Variants in XPA observed in about 807,000 individuals in gnomAD.
XPA encodes the protein DNA repair protein complementing XP-A cells.
In XPA, 27 loss-of-function variants were observed where a neutral mutation model predicts 35.7. That is an observed-to-expected ratio of 0.76 (90% CI 0.56 to 1.04). The LOEUF is 1.04. XPA is among the 50% of genes least tolerant of loss of function. The probability of loss-of-function intolerance (pLI) is 0.00; values close to 1 mark genes in which losing one functional copy is unlikely to be tolerated. For missense variants in XPA, 354 were observed against 342.7 expected (o/e 1.03, Z -0.26); for synonymous variants, 133 against 118.4 (o/e 1.12, Z -0.80).
At chr9:97,663,114 T>C in the XPA span, 2 of 1,213,874 alleles carry the variant, frequency 1.6e-6, no homozygotes, top group Non-Finnish European at 2.4e-6. Flanking sequence ...GGCCGTTAAT[T>C]GCCATTGTTT....
intron 1 of XPA, among the ~76,000 whole-genome samples, chr9:97,696,135 T>TA (rs1427235049): frequency 6.6e-6 from 1 of 152,212 alleles, no homozygotes; most frequent in Non-Finnish European, 1.5e-5. Flanking sequence ...TCGGTGTTAG[T>TA]ATGAACATCA....
chr9:97,675,796 G>A (rs1828347281), intron 5 of XPA: 1 of 619,874 alleles, frequency 1.6e-6, no homozygotes, highest in Non-Finnish European at 2.8e-6. Flanking sequence ...TGTGAATCAA[G>A]TTGTCACTGG....
chr9:97,693,821 C>A, intron 1 of XPA, 62 bp from the exon 2 acceptor site: 1 of 1,479,444 alleles, frequency 6.8e-7, no homozygotes, highest in South Asian at 1.1e-5. Flanking sequence ...TTACCTTGTT[C>A]ATAAATAGAA....
the XPA span, chr9:97,664,502 CTT>C: frequency 3.5e-6 from 4 of 1,131,584 alleles, no homozygotes; most frequent in Middle Eastern, 2.6e-4. Context: ...TGTGTGGTCT[CTT>C]ATACATAAGC....
At chr9:97,685,739 G>A (rs745546431) in intron 4 of XPA, among the ~76,000 whole-genome samples, 2 of 152,044 alleles carry the variant, frequency 1.3e-5, no homozygotes, top group Non-Finnish European at 2.9e-5. Flanking sequence ...CTCATATTTC[G>A]TATATTCTGA....
intron 5 of XPA, among the ~76,000 whole-genome samples, chr9:97,677,475 C>T (rs1828401170): frequency 6.6e-6 from 1 of 152,014 alleles, no homozygotes; most frequent in South Asian, 2.1e-4. Flanking sequence ...GAGTTCAAGA[C>T]CAGCCTGGGC....
chr9:97,657,886 C>CTCTA, the XPA span, among the ~76,000 whole-genome samples: 2 of 45,330 alleles, frequency 4.4e-5, no homozygotes, highest in Non-Finnish European at 8.3e-5. Flanking sequence ...CCCCGGTAAG[C>CTCTA]TCTCTCTCTC....
At chr9:97,667,945 C>T in the XPA span, among the ~76,000 whole-genome samples, 7 of 152,136 alleles carry the variant, frequency 4.6e-5, no homozygotes, top group South Asian at 1.0e-3. Flanking sequence ...CGTGTACCCA[C>T]GTGTCTAGAA....
rs767096139 is a variant in XPA at position 97,684,990 on chromosome 9, T to C, written c.606A>G (p.Glu202=). The change falls in exon 5 of 6, where the codon GAA becomes GAG. Residue 202 remains glutamate, a synonymous_variant. Coordinates refer to ENST00000375128, the MANE Select transcript of XPA (RefSeq NM_000380.4). ...GGTTTTCCTGTCGGACTTCCTTTGC[T>C]TCTTCTAATGCTTCTTGACTACCCC... ...EVWGSQEALE[E]AKEVRQENRE... is the part of the protein sequence containing the mutation. The C allele has an allele frequency of 1.9e-6, 3 of 1,613,768 alleles. No homozygotes were observed. Among genetic ancestry groups the C allele is most frequent in the South Asian group, 2.2e-5 (2 of 91,070 alleles).
chr9:97,687,632 G>T (rs760770590), intron 3 of XPA, among the ~76,000 whole-genome samples: 1 of 152,158 alleles, frequency 6.6e-6, no homozygotes, highest in Non-Finnish European at 1.5e-5. Context: ...TCAGGACCTT[G>T]CAAGCAATGG....
intron 5 of XPA, among the ~76,000 whole-genome samples, chr9:97,680,787 T>C (rs572049389): frequency 2.6e-4 from 39 of 152,294 alleles, no homozygotes; most frequent in Non-Finnish European, 5.0e-4. Flanking sequence ...GGTAAGGCTT[T>C]AGAAGAGTGA....
At chr9:97,670,118 T>G (rs1828141677), downstream of XPA, 1 of 312,278 alleles carries the variant, frequency 3.2e-6, no homozygotes, top group South Asian at 2.9e-5. Context: ...GGACAGAGTT[T>G]CACCATGTTG....
chr9:97,684,101 C>T (rs1163096862), intron 5 of XPA, among the ~76,000 whole-genome samples: 2 of 152,156 alleles, frequency 1.3e-5, no homozygotes, highest in Non-Finnish European at 2.9e-5. Context: ...CCTCTGTGCT[C>T]CTGCAGCACC....
At chr9:97,681,955 T>C (rs541481113) in intron 5 of XPA, among the ~76,000 whole-genome samples, 4 of 152,304 alleles carry the variant, frequency 2.6e-5, no homozygotes, top group Non-Finnish European at 4.4e-5. Context: ...TACAGAGTTT[T>C]GATACCAGTT....
chr9:97,692,743 C>T (rs1381201966), intron 2 of XPA, among the ~76,000 whole-genome samples: 2 of 152,064 alleles, frequency 1.3e-5, no homozygotes, highest in Non-Finnish European at 2.9e-5. Context: ...TGGCAGTCTA[C>T]CATAAGCAAG....
chr9:97,673,570 T>C (rs893214867), downstream of XPA: 5 of 152,130 alleles, frequency 3.3e-5, no homozygotes, highest in African/African-American at 7.2e-5. Context: ...TATGGAAAAA[T>C]TGAACTAGGA....
At chr9:97,686,911 AG>A (rs1247685594) in intron 4 of XPA, among the ~76,000 whole-genome samples, 184 bp downstream of exon 4, 1 of 152,142 alleles carries the variant, frequency 6.6e-6, no homozygotes, top group African/African-American at 2.4e-5. Flanking sequence ...GTTTGAAAAA[AG>A]AAAAGAAAAA....
At chr9:97,666,682 A>C in the XPA span, 1 of 905,534 alleles carries the variant, frequency 1.1e-6, no homozygotes, top group Non-Finnish European at 1.7e-6. Flanking sequence ...GCTGTTAAGA[A>C]TGAAATTACA....
chr9:97,674,761 TTAAAA>T (rs762352724), downstream of XPA: 25 of 374,844 alleles, frequency 6.7e-5, no homozygotes, highest in Non-Finnish European at 1.2e-4. Flanking sequence ...TTAGCACTAC[TTAAAA>T]TAAACATCAG....
Sources: gnomAD v4.1 joint callset for allele counts (sites outside exome capture counted in the v4.1 genomes callset) on GRCh38, gnomAD v4.1.1 for gene constraint, MANE v1.5 for transcripts, NCBI Gene and HGNC (gene_info 2026-07-23, HGNC 2026-07-21) for gene names.